The following SULF1 variants were observed in gnomAD, a reference collection of about 807,000 sequenced individuals.
SULF1 encodes the protein extracellular sulfatase Sulf-1.
A neutral mutation model predicts 110.5 loss-of-function variants in SULF1; 46 were observed. The ratio of observed to expected loss-of-function variants is 0.42; its 90% confidence interval spans 0.33 to 0.53. SULF1 has a LOEUF of 0.53. Ranked by LOEUF, SULF1 falls within the 20% of genes least tolerant of loss-of-function variation. The pLI is 0.12. For synonymous variants in SULF1, 371 were observed against 387.1 expected, an observed-to-expected ratio of 0.96 and a Z score of 0.49; for missense variants, 941 against 1,094.2, an observed-to-expected ratio of 0.86 and a Z score of 1.98.
At chr8:69,527,117 C>G (rs1280573515) in intron 3 of SULF1, among the ~76,000 whole-genome samples, 1 of 152,054 alleles carries the variant, frequency 6.6e-6, no homozygotes, top group Non-Finnish European at 1.5e-5. Flanking sequence ...GCTGATAGCT[C>G]TCTATCTGCT....
In SULF1 at chr8:69,659,348, A is replaced by G. The variant is rs1812965149; in HGVS notation, c.*813A>G. 2.8e-6 allele frequency: 1 copy of G among 361,784 alleles called. No individual in the cohort carries two copies. The highest frequency in any genetic ancestry group is 2.1e-5 in the African/African-American group (1 of 46,794). 22.4% of individuals were successfully genotyped at this position (361,784 alleles called of 1,614,324 possible). A position where few individuals can be genotyped will look rare whatever the true frequency, so the allele number is the denominator to read the frequency against. ...ATGAAACTGTTACCTTACCCTAAAC[A>G]CAGTATTTCTTTTTAACTTTTTTAT... On this transcript the variant is annotated 3_prime_UTR_variant, in exon 23 of 23. Coordinates refer to ENST00000402687, the MANE Select transcript of SULF1 (RefSeq NM_001128205.2).
intron 22 of SULF1, among the ~76,000 whole-genome samples, chr8:69,646,806 T>TAC (rs1324642888): frequency 1.3e-5 from 2 of 152,138 alleles, no homozygotes; most frequent in African/African-American, 4.8e-5. Flanking sequence ...TGATAATACA[T>TAC]ACACATAATA....
At chr8:69,625,593 A>G (rs2130581680) in intron 15 of SULF1, among the ~76,000 whole-genome samples, 1 of 152,054 alleles carries the variant, frequency 6.6e-6, no homozygotes, top group Middle Eastern at 3.4e-3. Flanking sequence ...TGAGTGTTAC[A>G]GCTCTTAAGG....
In SULF1 at chr8:69,629,832, G is replaced by T. The variant is rs148384282; in HGVS notation, c.2284+153G>T. ...CTATACTGGAAACTCAAATGATTTTGCCATGTATTACTGTTTTCTTTAAAT... is the reference window on the plus strand; with the variant it reads ...CTATACTGGAAACTCAAATGATTTTTCCATGTATTACTGTTTTCTTTAAAT... On this transcript the variant is annotated intron_variant, in intron 19 of 22. Coordinates refer to ENST00000402687, the MANE Select transcript of SULF1 (RefSeq NM_001128205.2). 2.6e-3 allele frequency among the ~76,000 whole-genome samples: 399 copies of T among 152,294 alleles called. 1 individual carries two copies. The highest frequency in any genetic ancestry group is 8.9e-3 in the East Asian group (46 of 5,176).
rs1395997428 is a variant in SULF1 at position 69,589,032 on chromosome 8, A to C, written c.625A>C (p.Met209Leu). The C allele has an allele frequency of 6.2e-7, 1 of 1,614,218 alleles. No individual in the cohort carries two copies. Among genetic ancestry groups the C allele is most frequent in the Admixed American group, 1.7e-5 (1 of 60,022 alleles). The change falls in exon 8 of 23, where the codon ATG becomes CTG. Residue 209 changes from methionine to leucine, a missense_variant. By Grantham distance (15) the Met-to-Leu change is conservative. Around this residue, in one of 3 missense-constraint regions of SULF1, gnomAD observed 822 missense variants for 934.3 expected, o/e 0.88. Coordinates refer to ENST00000402687, the MANE Select transcript of SULF1 (RefSeq NM_001128205.2). ...TAATTACTTCAAAATGTCTAAGAGA[A>C]TGTATCCCCATAGGCCCGTTATGAT... ...SINYFKMSKRMYPHRPVMMVI... is the reference protein window; with the variant it reads ...SINYFKMSKRLYPHRPVMMVI...
intron 3 of SULF1, among the ~76,000 whole-genome samples, chr8:69,535,754 G>A (rs984326321): frequency 1.3e-4 from 20 of 152,064 alleles, no homozygotes; most frequent in Non-Finnish European, 2.2e-4. Flanking sequence ...ATAAGAGGCC[G>A]GGTGAGATGG....
intron 1 of SULF1, among the ~76,000 whole-genome samples, chr8:69,494,353 G>C (rs778940655): frequency 2.1e-4 from 32 of 152,066 alleles, no homozygotes; most frequent in Admixed American, 3.9e-4. Flanking sequence ...ATCCAAAATG[G>C]ATCAAGTGGA....
chr8:69,508,109 AT>A (rs11341009), intron 3 of SULF1, among the ~76,000 whole-genome samples: 14,732 of 147,562 alleles, frequency 0.1, 1,361 homozygotes, highest in African/African-American at 0.24. Context: ...GATAATTATT[AT>A]TTTTTTTTTT....
chr8:69,522,974 G>GAA (rs1219402713), intron 3 of SULF1, among the ~76,000 whole-genome samples: 1 of 152,216 alleles, frequency 6.6e-6, no homozygotes, highest in Non-Finnish European at 1.5e-5. Flanking sequence ...GGAGCAGAGA[G>GAA]AAGGACAGTA....
chr8:69,629,444 C>CTA, intron 18 of SULF1, 60 bp from the exon 19 acceptor site: 1 of 1,519,046 alleles, frequency 6.6e-7, no homozygotes, highest in Non-Finnish European at 8.9e-7. Context: ...AGCAACAAGC[C>CTA]TATTTGTAAT....
intron 14 of SULF1, among the ~76,000 whole-genome samples, chr8:69,621,704 C>T (rs998805248): frequency 3.9e-5 from 6 of 152,148 alleles, no homozygotes; most frequent in Admixed American, 2.6e-4. Flanking sequence ...ATATTTTAAT[C>T]TCTGTTTTAG....
chr8:69,504,385 C>G (rs1811034557), intron 3 of SULF1, among the ~76,000 whole-genome samples: 1 of 151,896 alleles, frequency 6.6e-6, no homozygotes, highest in Admixed American at 6.6e-5. Context: ...GAAACCCCAT[C>G]TCTACTAAAA....
At chr8:69,586,327 GA>G (rs771146869) in intron 6 of SULF1, 29 bp from the exon 7 acceptor site, 23 of 1,540,234 alleles carry the variant, frequency 1.5e-5, no homozygotes, top group South Asian at 1.1e-4. Flanking sequence ...CATTTTACGT[GA>G]AAAAAATAAT....
chr8:69,632,571 A>G (rs1810659596), intron 19 of SULF1, among the ~76,000 whole-genome samples: 1 of 152,186 alleles, frequency 6.6e-6, no homozygotes, highest in African/African-American at 2.4e-5. Context: ...GAAAAAAAGA[A>G]GAAGAAAAGA....
intron 15 of SULF1, 38 bp from the exon 16 acceptor site, chr8:69,627,172 T>G: frequency 6.8e-7 from 1 of 1,478,210 alleles, no homozygotes; most frequent in South Asian, 1.2e-5. Context: ...GCTATTAGAA[T>G]ATAAACCTAT....
chr8:69,530,399 G>T (rs1167259855), intron 3 of SULF1, among the ~76,000 whole-genome samples: 1 of 152,104 alleles, frequency 6.6e-6, no homozygotes, highest in Admixed American at 6.6e-5. Context: ...CATTAGGAGG[G>T]CTCAGTCTGC....
intron 15 of SULF1, 115 bp downstream of exon 15, chr8:69,624,312 C>CAAG: frequency 7.1e-7 from 1 of 1,400,786 alleles, no homozygotes; most frequent in Non-Finnish European, 9.6e-7. Context: ...AATACAGTGC[C>CAAG]TGAGGGCTGG....
intron 3 of SULF1, among the ~76,000 whole-genome samples, chr8:69,535,798 G>A (rs1247281063): frequency 2.6e-5 from 4 of 152,080 alleles, no homozygotes; most frequent in East Asian, 1.9e-4. Flanking sequence ...TTGGGAAGCC[G>A]AGGCGGGCAG....
At chr8:69,653,646 T>C (rs1422504383) in intron 22 of SULF1, among the ~76,000 whole-genome samples, 2 of 152,200 alleles carry the variant, frequency 1.3e-5, no homozygotes, top group African/African-American at 2.4e-5. Flanking sequence ...TCATTGGCCA[T>C]TGGTAGTTAA....
Sources: gnomAD v4.1 joint callset for allele counts (sites outside exome capture counted in the v4.1 genomes callset) on GRCh38, gnomAD v4.1.1 for gene constraint, gnomAD v4.1.1 regional missense constraint, MANE v1.5 for transcripts, NCBI Gene and HGNC (gene_info 2026-07-23, HGNC 2026-07-21) for gene names.